NRG3: variants seen among roughly 807,000 people sequenced by gnomAD.
NRG3 encodes pro-neuregulin-3, membrane-bound isoform.
In NRG3, 31 loss-of-function variants were observed where a neutral mutation model predicts 66.9. The observed-to-expected ratio is 0.46, with a 90% CI of 0.35 to 0.63. The LOEUF is 0.63. NRG3 is among the 20% of genes least tolerant of loss of function. The probability of loss-of-function intolerance (pLI) is 0.00; values close to 1 mark genes in which losing one functional copy is unlikely to be tolerated. For synonymous variants in NRG3, 393 were observed against 359.4 expected, an observed-to-expected ratio of 1.09 and a Z score of -1.06; for missense variants, 910 against 878.9, an observed-to-expected ratio of 1.04 and a Z score of -0.45.
At chr10:82,026,265 T>C (rs2062301208) in intron 1 of NRG3, among the ~76,000 whole-genome samples, 1 of 152,036 alleles carries the variant, frequency 6.6e-6, no homozygotes, top group Admixed American at 6.6e-5. Context: ...ATCACCTGCC[T>C]TGAGCTGTCA....
intron 1 of NRG3, among the ~76,000 whole-genome samples, chr10:82,044,962 A>G (rs1394537450): frequency 6.6e-6 from 1 of 151,740 alleles, no homozygotes; most frequent in Non-Finnish European, 1.5e-5. Flanking sequence ...AATCAAGTCT[A>G]TCATTGTTGG....
At chr10:82,758,522 A>C (rs1330940157) in intron 3 of NRG3, among the ~76,000 whole-genome samples, 1 of 152,150 alleles carries the variant, frequency 6.6e-6, no homozygotes, top group African/African-American at 2.4e-5. Flanking sequence ...TCTCATTGCA[A>C]GATATGATAA....
intron 3 of NRG3, among the ~76,000 whole-genome samples, chr10:82,740,239 TCCTC>T (rs200229560): frequency 2.7e-5 from 4 of 150,804 alleles, no homozygotes; most frequent in Admixed American, 2.0e-4. Context: ...CTTCCTTCCT[TCCTC>T]CCTCCCTCCC....
intron 1 of NRG3, among the ~76,000 whole-genome samples, chr10:82,227,649 A>G (rs1036907620): frequency 6.6e-6 from 1 of 152,148 alleles, no homozygotes; most frequent in African/African-American, 2.4e-5. Context: ...AATGATTTTT[A>G]TAATGAAAGA....
At chr10:82,610,461 G>T (rs769420842) in intron 2 of NRG3, among the ~76,000 whole-genome samples, 9 of 152,028 alleles carry the variant, frequency 5.9e-5, no homozygotes, top group Non-Finnish European at 1.2e-4. Context: ...AATTATACTG[G>T]ATATACTGGT....
At chr10:82,540,247 T>A (rs2043446218) in intron 2 of NRG3, among the ~76,000 whole-genome samples, 1 of 151,458 alleles carries the variant, frequency 6.6e-6, no homozygotes, top group African/African-American at 2.4e-5. Context: ...AAAAAAAAAA[T>A]TGTCCCAATA....
At chr10:82,646,317 C>A (rs1403151999) in intron 2 of NRG3, among the ~76,000 whole-genome samples, 1 of 152,106 alleles carries the variant, frequency 6.6e-6, no homozygotes, top group Non-Finnish European at 1.5e-5. Context: ...TATGTGAGAG[C>A]AGAGTGATCA....
chr10:82,212,231 A>G (rs1225838190), intron 1 of NRG3, among the ~76,000 whole-genome samples: 1 of 152,194 alleles, frequency 6.6e-6, no homozygotes, highest in Non-Finnish European at 1.5e-5. Context: ...TGTTCTGAGG[A>G]GCAAAGAAGC....
At chr10:82,554,427 A>G (rs2044517199) in intron 2 of NRG3, among the ~76,000 whole-genome samples, 1 of 152,200 alleles carries the variant, frequency 6.6e-6, no homozygotes, top group African/African-American at 2.4e-5. Context: ...AATTAAAAAT[A>G]AAGTAAAACT....
intron 3 of NRG3, among the ~76,000 whole-genome samples, chr10:82,772,240 C>A (rs1045980692): frequency 6.6e-6 from 1 of 152,102 alleles, no homozygotes; most frequent in East Asian, 1.9e-4. Flanking sequence ...ATTAGCAGAT[C>A]TATCATCTAA....
intron 1 of NRG3, among the ~76,000 whole-genome samples, chr10:82,125,068 G>A (rs1198647096): frequency 6.6e-6 from 1 of 151,690 alleles, no homozygotes; most frequent in Non-Finnish European, 1.5e-5. Flanking sequence ...CTGTCAAATC[G>A]CCTCATTTTA....
intron 2 of NRG3, among the ~76,000 whole-genome samples, chr10:82,499,132 G>C (rs1388462109): frequency 6.6e-6 from 1 of 152,142 alleles, no homozygotes; most frequent in Non-Finnish European, 1.5e-5. Flanking sequence ...TGACAAGTGA[G>C]GAGTACTGAA....
Position 82,083,773 on chromosome 10 carries a change from GT to G in NRG3, c.823+207618del, listed in dbSNP as rs112987235. Reference sequence around the variant, plus strand: ...CCATGCCCGGCTAATGTTTTTTTTTGTTTTTTTTGTTTTTTGCATTTTTAAT... The same window carrying G: ...CCATGCCCGGCTAATGTTTTTTTTTGTTTTTTTGTTTTTTGCATTTTTAAT... On this transcript the variant is annotated intron_variant, in intron 1 of 8. Transcript: ENST00000372141. 1.3e-3 allele frequency among the ~76,000 whole-genome samples: 197 copies of G among 148,414 alleles called. 1 individual carries two copies. Among genetic ancestry groups the G allele is most frequent in the South Asian group, 7.8e-3 (36 of 4,644 alleles).
Position 82,966,969 on chromosome 10 carries a change from T to G in NRG3, c.1285-6819T>G, listed in dbSNP as rs537903653. On this transcript the variant is annotated intron_variant, in intron 6 of 8. Transcript: ENST00000372141. ...ACTACAAGACACTCCTTGCTTATGT[T>G]GTACATTTTCTGCCTTGGTTCTAGA... Among the ~76,000 whole-genome samples the G allele has an allele frequency of 2.6e-5, 4 of 151,870 alleles. No homozygotes were observed. The South Asian group carries it at 6.2e-4, about 24-fold the overall frequency.
At chr10:82,708,769 ATGTT>A (rs1431634606) in intron 2 of NRG3, among the ~76,000 whole-genome samples, 2 of 152,104 alleles carry the variant, frequency 1.3e-5, no homozygotes, top group East Asian at 3.8e-4. Context: ...ATCTTCCAAA[ATGTT>A]TGTCAATACT....
At chr10:82,749,997 G>A (rs1321015245) in intron 3 of NRG3, among the ~76,000 whole-genome samples, 1 of 152,124 alleles carries the variant, frequency 6.6e-6, no homozygotes, top group Non-Finnish European at 1.5e-5. Context: ...CATCACATGT[G>A]TCACTAGACA....
intron 1 of NRG3, among the ~76,000 whole-genome samples, chr10:82,257,446 A>G (rs1398247722): frequency 6.6e-6 from 1 of 152,090 alleles, no homozygotes; most frequent in Non-Finnish European, 1.5e-5. Flanking sequence ...AGTGATTAGC[A>G]AACATTTATA....
At chr10:82,199,562 A>G (rs943628475) in intron 1 of NRG3, among the ~76,000 whole-genome samples, 4 of 152,188 alleles carry the variant, frequency 2.6e-5, no homozygotes, top group Non-Finnish European at 4.4e-5. Context: ...CTTAAAGTCA[A>G]TTTTCTTAAA....
chr10:81,886,749 A>C (rs1842643062), intron 1 of NRG3, among the ~76,000 whole-genome samples: 1 of 152,180 alleles, frequency 6.6e-6, no homozygotes, highest in Non-Finnish European at 1.5e-5. Flanking sequence ...CAAAGCTATT[A>C]AATTTTGTTG....
Sources: gnomAD v4.1 joint callset for allele counts (sites outside exome capture counted in the v4.1 genomes callset) on GRCh38, gnomAD v4.1.1 for gene constraint, MANE v1.5 for transcripts, NCBI Gene and HGNC (gene_info 2026-07-23, HGNC 2026-07-21) for gene names.